Variants in LDLRAD3 observed in about 807,000 individuals in gnomAD.
LDLRAD3 encodes low-density lipoprotein receptor class A domain-containing protein 3.
A neutral mutation model predicts 29.4 loss-of-function variants in LDLRAD3; 20 were observed. The ratio of observed to expected loss-of-function variants is 0.68; its 90% CI spans 0.48 to 0.99. The LOEUF is 0.99. Among genes scored for constraint, LDLRAD3 ranks in the 50% least tolerant of loss-of-function variants. The probability of loss-of-function intolerance (pLI) is 0.00; values close to 1 mark genes in which losing one functional copy is unlikely to be tolerated. For missense variants in LDLRAD3, 420 were observed against 454.3 expected (o/e 0.92, Z 0.69); for synonymous variants, 157 against 192.7 (o/e 0.81, Z 1.53).
At chr11:36,219,631 T>TTG (rs1855401238) in intron 4 of LDLRAD3, among the ~76,000 whole-genome samples, 1 of 152,192 alleles carries the variant, frequency 6.6e-6, no homozygotes, top group East Asian at 1.9e-4. Context: ...GACCTTTACC[T>TTG]TGCACCATAA....
intron 4 of LDLRAD3, among the ~76,000 whole-genome samples, chr11:36,126,995 G>T (rs562953708): frequency 1.3e-5 from 2 of 152,274 alleles, no homozygotes; most frequent in South Asian, 4.1e-4. Context: ...GGTCATCCCT[G>T]GTGGTGGATT....
In LDLRAD3 at chr11:36,227,066, C is replaced by A. The variant is rs756405388; in HGVS notation, c.455-19C>A. The A allele has an allele frequency of 1.3e-6, 2 of 1,540,970 alleles. No individual in the cohort carries two copies. Among genetic ancestry groups the A allele is most frequent in the East Asian group, 4.6e-5 (2 of 43,928 alleles). On this transcript the variant is annotated intron_variant, in intron 4 of 5. Transcript: ENST00000315571. The stretch of plus-strand genomic sequence containing the variant: ...ACTGGTAACCTTCTCTCTTTTCTCT[C>A]CTCTCTTGGGTTTCTCAGAACCCGG...
chr11:36,119,477 T>A (rs953935336), intron 4 of LDLRAD3, among the ~76,000 whole-genome samples: 1 of 151,724 alleles, frequency 6.6e-6, no homozygotes, highest in African/African-American at 2.4e-5. Context: ...CTTCTCTACA[T>A]CCTCACCAGC....
Position 36,076,479 on chromosome 11 carries a change from C to T in LDLRAD3, c.194-5174C>T, listed in dbSNP as rs141676392. 3.1e-3 allele frequency among the ~76,000 whole-genome samples: 468 copies of T among 152,164 alleles called. 16 individuals carry two copies. In the East Asian group the frequency reaches 0.072, roughly 23 times the overall value. On this transcript the variant is annotated intron_variant, in intron 2 of 5. Transcript: ENST00000315571. The stretch of plus-strand genomic sequence containing the variant: ...TCAGCTCACTGCAACCTCCACCTCC[C>T]GGGTTCAAGCAGTTCTCTGCCTCAG...
intron 4 of LDLRAD3, among the ~76,000 whole-genome samples, chr11:36,152,756 T>C (rs1854294810): frequency 6.6e-6 from 1 of 152,236 alleles, no homozygotes; most frequent in Non-Finnish European, 1.5e-5. Flanking sequence ...AGCTTGCACC[T>C]GGTTTCCCCC....
intron 4 of LDLRAD3, among the ~76,000 whole-genome samples, chr11:36,191,970 A>T (rs1283572175): frequency 6.6e-6 from 1 of 152,140 alleles, no homozygotes; most frequent in Non-Finnish European, 1.5e-5. Context: ...GAGTGGGAAG[A>T]CAATAGATAA....
intron 1 of LDLRAD3, among the ~76,000 whole-genome samples, chr11:35,990,247 C>G (rs146500310): frequency 1.3e-4 from 20 of 152,280 alleles, no homozygotes; most frequent in East Asian, 3.9e-4. Context: ...ACAGTGGACA[C>G]TTTACTCTCT....
rs559598856 is a variant in LDLRAD3 at position 36,217,200 on chromosome 11, G to A, written c.455-9885G>A. 8.8e-4 allele frequency among the ~76,000 whole-genome samples: 134 copies of A among 152,192 alleles called. 2 individuals are homozygous for A. The South Asian group carries it at 0.027, about 31-fold the overall frequency. ...TTTGCTTTCCTGTAGTTTTGACTCT[G>A]TCTGTAAGTGAAGAAATTGTGAATT... On this transcript the variant is annotated intron_variant, in intron 4 of 5. Coordinates refer to ENST00000315571, the MANE Select transcript of LDLRAD3 (RefSeq NM_174902.4).
intron 1 of LDLRAD3, among the ~76,000 whole-genome samples, chr11:35,988,030 G>A (rs939351474): frequency 3.3e-5 from 5 of 152,148 alleles, no homozygotes; most frequent in Admixed American, 2.0e-4. Context: ...TTAAAAATAT[G>A]TTTCTTGGCC....
At chr11:35,966,178 A>C (rs4756263) in intron 1 of LDLRAD3, among the ~76,000 whole-genome samples, 1 of 152,218 alleles carries the variant, frequency 6.6e-6, no homozygotes, top group South Asian at 2.1e-4. Flanking sequence ...CTGTAGTCCC[A>C]GCACTTTGGG....
intron 4 of LDLRAD3, among the ~76,000 whole-genome samples, chr11:36,222,645 A>G (rs955783421): frequency 2.6e-5 from 4 of 152,302 alleles, no homozygotes; most frequent in African/African-American, 9.6e-5. Flanking sequence ...AAGAACACCA[A>G]GTCACAAGTG....
rs1403624722 is a variant in LDLRAD3, at chr11:36,128,552, A to G, written c.454+30091A>G. On this transcript the variant is annotated intron_variant, in intron 4 of 5. Coordinates refer to ENST00000315571, the MANE Select transcript of LDLRAD3 (RefSeq NM_174902.4). ...CAGAACTACAATCCAGTTTTTAATC[A>G]GAAAAACCACTCTAGGCTGGGCACG... Among the ~76,000 whole-genome samples, 5 of 152,304 alleles carry G rather than the reference A, an allele frequency of 3.3e-5. No individual in the cohort carries two copies. The East Asian group carries it at 9.7e-4, about 29-fold the overall frequency.
chr11:36,108,319 C>CAAAAAA (rs60376519), intron 4 of LDLRAD3, among the ~76,000 whole-genome samples: 526 of 48,970 alleles, frequency 0.011, 19 homozygotes, highest in Admixed American at 0.015. Flanking sequence ...GACTCCATCT[C>CAAAAAA]AAAAAAAAAA....
chr11:36,197,903 T>C (rs1169852751), intron 4 of LDLRAD3: 3 of 145,434 alleles, frequency 2.1e-5, no homozygotes, highest in African/African-American at 7.7e-5. Context: ...AAAAAGAAAT[T>C]AACTGGGCGT....
At chr11:36,083,015 G>A (rs1342269265) in intron 3 of LDLRAD3, among the ~76,000 whole-genome samples, 1 of 152,130 alleles carries the variant, frequency 6.6e-6, no homozygotes, top group Non-Finnish European at 1.5e-5. Flanking sequence ...ATATATAAAA[G>A]ACTTTATGTT....
chr11:36,227,499 C>A, intron 5 of LDLRAD3, 69 bp downstream of exon 5: 3 of 1,191,246 alleles, frequency 2.5e-6, no homozygotes, highest in Non-Finnish European at 3.5e-6. Flanking sequence ...TAGGTGCACA[C>A]ACTGAGGTTC....
At chr11:36,209,500 C>T (rs1196610235) in intron 4 of LDLRAD3, among the ~76,000 whole-genome samples, 4 of 152,020 alleles carry the variant, frequency 2.6e-5, no homozygotes, top group African/African-American at 9.6e-5. Flanking sequence ...GCTGGGATTA[C>T]AGGCGCATGC....
At chr11:35,997,592 G>A in intron 1 of LDLRAD3, 1 of 277,200 alleles carries the variant, frequency 3.6e-6, no homozygotes, top group South Asian at 4.1e-5. Flanking sequence ...CAATCTTGGG[G>A]GCCAGCACAG....
rs1565317794 is a variant in LDLRAD3, at chr11:36,227,067, C to T, written c.455-18C>T. ...CTGGTAACCTTCTCTCTTTTCTCTC[C>T]TCTCTTGGGTTTCTCAGAACCCGGC... On this transcript the variant is annotated intron_variant, in intron 4 of 5. Coordinates refer to ENST00000315571, the MANE Select transcript of LDLRAD3 (RefSeq NM_174902.4). The T allele has an allele frequency of 3.2e-6, 5 of 1,543,656 alleles. No individual in the cohort carries two copies. The highest frequency in any genetic ancestry group is 4.4e-6 in the Non-Finnish European group (5 of 1,138,748).
Sources: gnomAD v4.1 joint callset for allele counts (sites outside exome capture counted in the v4.1 genomes callset) on GRCh38, gnomAD v4.1.1 for gene constraint, MANE v1.5 for transcripts, NCBI Gene and HGNC (gene_info 2026-07-23, HGNC 2026-07-21) for gene names.